EOGT: variants seen among roughly 807,000 people sequenced by gnomAD.
EOGT encodes EGF domain-specific O-linked N-acetylglucosamine transferase.
In EOGT, 55 loss-of-function variants were observed where a neutral mutation model predicts 70.5. That is an observed-to-expected ratio of 0.78 (90% CI 0.63 to 0.98). The LOEUF is 0.98. Among genes scored for constraint, EOGT ranks in the 50% least tolerant of loss-of-function variants. EOGT has a pLI of 0.00. For synonymous variants in EOGT, 246 were observed against 217.1 expected (o/e 1.13, Z -1.17); for missense variants, 703 against 641.9 (o/e 1.10, Z -1.03).
chr3:68,979,810 G>C, intron 15 of EOGT, 23 bp from the exon 16 acceptor site: 1 of 1,609,978 alleles, frequency 6.2e-7, no homozygotes, highest in South Asian at 1.1e-5. Context: ...AGAATAACAT[G>C]AGAGAGATGG....
chr3:69,008,954 C>G (rs1358325930), intron 4 of EOGT, among the ~76,000 whole-genome samples: 1 of 152,240 alleles, frequency 6.6e-6, no homozygotes, highest in Non-Finnish European at 1.5e-5. Context: ...TCAAGATCAG[C>G]AGAGACCCCA....
At position 68,976,641 on chromosome 3, in the gene EOGT, C is replaced by CGTGTGTGTGTGTGTGTGTGTGTGTGT. The variant is rs58263145; in HGVS notation, c.*951_*976dup. The CGTGTGTGTGTGTGTGTGTGTGTGTGT allele has an allele frequency of 4.2e-4, 61 of 144,400 alleles. 4 individuals are homozygous for CGTGTGTGTGTGTGTGTGTGTGTGTGT. The highest frequency in any genetic ancestry group is 3.5e-3 in the Middle Eastern group (1 of 288). 8.9% of individuals were successfully genotyped at this position (144,400 alleles called of 1,614,324 possible). On this transcript the variant is annotated 3_prime_UTR_variant, in exon 18 of 18. Transcript: ENST00000383701. ...CTTGGTACTGAGAATCACAACTCTG[C>CGTGTGTGTGTGTGTGTGTGTGTGTGT]GTGTGTGTGTGTGTGTGTGTGTGTG...
At chr3:69,005,006 G>C (rs576998245) in intron 7 of EOGT, 134 bp downstream of exon 7, 2 of 588,248 alleles carry the variant, frequency 3.4e-6, no homozygotes, top group Admixed American at 6.4e-5. Context: ...CAGCTGCACT[G>C]AGCCATGATT....
At position 68,977,722 on chromosome 3, in the gene EOGT, A is replaced by G. The variant is rs2090511529; in HGVS notation, c.1480T>C (p.Tyr494His). Residue 494 changes from tyrosine (Y) to histidine (H), a missense_variant, in exon 18 of 18, where the codon TAC becomes CAC. Coordinates refer to ENST00000383701, the MANE Select transcript of EOGT (RefSeq NM_001278689.2). The part of the protein sequence containing the change: ...TLGEHPKFTN[Y>H]SFDVEEFMYL... ...ATAAATTCTTCTACATCGAAAGAGT[A>G]GTTGGTGAACTTCGGGTGCTCCCCC... 6.2e-7 allele frequency: 1 copy of G among 1,613,682 alleles called. No homozygotes were observed. The highest frequency in any genetic ancestry group is 1.3e-5 in the African/African-American group (1 of 74,910).
At position 68,998,129 on chromosome 3, in the gene EOGT, T is replaced by C. The variant is rs777630060; in HGVS notation, c.728-15A>G. Reference sequence around the variant, plus strand: ...CATGTTAACACCTAGTGTTGGAAAATGAAACTACATTAATTAACACCAAAG... The same window carrying C: ...CATGTTAACACCTAGTGTTGGAAAACGAAACTACATTAATTAACACCAAAG... On this transcript the variant is annotated splice_polypyrimidine_tract_variant and intron_variant, in intron 9 of 17. Transcript: ENST00000383701. 6 of 1,345,922 alleles carry C rather than the reference T, an allele frequency of 4.5e-6. No individual in the cohort carries two copies. Among genetic ancestry groups the C allele is most frequent in the South Asian group, 2.4e-5 (2 of 81,746 alleles). 83.4% of individuals were successfully genotyped at this position (1,345,922 alleles called of 1,614,324 possible). A position where few individuals can be genotyped will look rare whatever the true frequency, so the allele number is the denominator to read the frequency against.
At position 68,998,101 on chromosome 3, in the gene EOGT, A is replaced by G; in HGVS notation, c.741T>C (p.Tyr247=). ...FMKLDAGVNM[Y]HHFCDFINLY... is the part of the protein sequence containing the mutation. ...GATTGATGAAATCACAGAAGTGGTG[A>G]TACATGTTAACACCTAGTGTTGGAA... Residue 247 remains tyrosine (Y), a synonymous_variant, in exon 10 of 18, where the codon TAT becomes TAC. Coordinates refer to ENST00000383701, the MANE Select transcript of EOGT (RefSeq NM_001278689.2). 1.3e-6 allele frequency: 2 copies of G among 1,571,318 alleles called. No individual in the cohort carries two copies. Among genetic ancestry groups the G allele is most frequent in the Non-Finnish European group, 1.7e-6 (2 of 1,147,492 alleles).
chr3:68,977,270 A>C lies in EOGT; in HGVS notation c.*348T>G. The C allele has an allele frequency of 5.6e-6, 1 of 179,556 alleles. No homozygotes were observed. 11.1% of individuals were successfully genotyped at this position (179,556 alleles called of 1,614,324 possible). ...GAACCTGGGGAGGCAGAAGTTGCAT[A>C]AACTGAGATCATGCCACTGCACTCC... is the stretch of plus-strand genomic sequence containing the variant. On this transcript the variant is annotated 3_prime_UTR_variant, in exon 18 of 18. Coordinates refer to ENST00000383701, the MANE Select transcript of EOGT (RefSeq NM_001278689.2).
rs375844736 is a variant in EOGT, at chr3:68,984,958, C to T, written c.1153-2086G>A. On this transcript the variant is annotated intron_variant, in intron 14 of 17. Coordinates refer to ENST00000383701, the MANE Select transcript of EOGT (RefSeq NM_001278689.2). The stretch of plus-strand genomic sequence containing the variant: ...AGTCCCTGACTACCTTGACTCACGC[C>T]CCCGTTACTCTAATCACCAGCCGGG... Among the ~76,000 whole-genome samples the T allele has an allele frequency of 8.5e-5, 13 of 152,238 alleles. No homozygotes were observed. In the South Asian group the frequency reaches 2.5e-3, roughly 29 times the overall value.
Position 68,995,482 on chromosome 3 carries a change from G to A in EOGT, c.831+2529C>T, listed in dbSNP as rs565644500. The stretch of plus-strand genomic sequence containing the variant: ...CATCCTGCTTAACTGTGCCAGAGCT[G>A]AGGTCAGACTGCCCTCATGTCTCAT... On this transcript the variant is annotated intron_variant, in intron 10 of 17. Coordinates refer to ENST00000383701, the MANE Select transcript of EOGT (RefSeq NM_001278689.2). Among the ~76,000 whole-genome samples, 22 of 152,296 alleles carry A rather than the reference G, an allele frequency of 1.4e-4. No homozygotes were observed. In the South Asian group the frequency reaches 4.6e-3, roughly 32 times the overall value.
intron 3 of EOGT, among the ~76,000 whole-genome samples, chr3:69,010,632 T>G (rs1340026910): frequency 3.9e-5 from 6 of 152,214 alleles, no homozygotes; most frequent in African/African-American, 1.2e-4. Context: ...GGTAAAGTGT[T>G]TCGAAAACTA....
intron 5 of EOGT, 37 bp downstream of exon 5, chr3:69,008,391 G>A (rs758478703): frequency 7.0e-7 from 1 of 1,427,686 alleles, no homozygotes; most frequent in Non-Finnish European, 9.9e-7. Context: ...TATAGAAAGA[G>A]GAAGACTTGA....
At chr3:69,011,382 T>C (rs1478375158) in intron 3 of EOGT, among the ~76,000 whole-genome samples, 1 of 151,470 alleles carries the variant, frequency 6.6e-6, no homozygotes. Context: ...TAGTAGCACT[T>C]TGGGAGGCCA....
chr3:68,977,729 G>A lies in EOGT; in HGVS notation c.1473C>T (p.Phe491=), dbSNP rs1267974915. The A allele has an allele frequency of 6.2e-7, 1 of 1,613,632 alleles. No homozygotes were observed. Among genetic ancestry groups the A allele is most frequent in the Non-Finnish European group, 8.5e-7 (1 of 1,179,836 alleles). Residue 491 remains phenylalanine, a synonymous_variant, in exon 18 of 18, where the codon TTC becomes TTT. Coordinates refer to ENST00000383701, the MANE Select transcript of EOGT (RefSeq NM_001278689.2). ...CTTCTACATCGAAAGAGTAGTTGGT[G>A]AACTTCGGGTGCTCCCCCAGGGTTG... The part of the protein sequence containing the change: ...HHPTLGEHPK[F]TNYSFDVEEF...
At chr3:68,980,989 C>G (rs1245281725) in intron 15 of EOGT, among the ~76,000 whole-genome samples, 1 of 152,160 alleles carries the variant, frequency 6.6e-6, no homozygotes, top group Non-Finnish European at 1.5e-5. Context: ...CATTTCTTCC[C>G]AGCCTCATCT....
intron 10 of EOGT, among the ~76,000 whole-genome samples, chr3:68,997,520 C>G (rs927677397): frequency 6.6e-6 from 1 of 152,066 alleles, no homozygotes; most frequent in Non-Finnish European, 1.5e-5. Context: ...ATGTGTCTGC[C>G]ACCGTATCTG....
At chr3:68,993,304 G>T (rs1167336767) in intron 10 of EOGT, among the ~76,000 whole-genome samples, 1 of 152,090 alleles carries the variant, frequency 6.6e-6, no homozygotes, top group African/African-American at 2.4e-5. Context: ...TTCCTGCTTA[G>T]AAATTTCTTC....
chr3:69,006,061 G>C (rs147538982), intron 6 of EOGT, among the ~76,000 whole-genome samples: 24 of 152,126 alleles, frequency 1.6e-4, no homozygotes, highest in African/African-American at 5.6e-4. Flanking sequence ...CCAGTCTATG[G>C]TATTTTGTTA....
chr3:68,985,662 T>C (rs923400083), intron 14 of EOGT, among the ~76,000 whole-genome samples: 1 of 152,214 alleles, frequency 6.6e-6, no homozygotes, highest in African/African-American at 2.4e-5. Context: ...ATCTCTACTG[T>C]CATCACTTTG....
intron 10 of EOGT, among the ~76,000 whole-genome samples, chr3:68,992,992 G>C (rs912483711): frequency 6.6e-6 from 1 of 152,190 alleles, no homozygotes; most frequent in African/African-American, 2.4e-5. Context: ...ATACAGCATG[G>C]GGACCCTGGG....
Sources: gnomAD v4.1 joint callset for allele counts (sites outside exome capture counted in the v4.1 genomes callset) on GRCh38, gnomAD v4.1.1 for gene constraint, MANE v1.5 for transcripts, NCBI Gene and HGNC (gene_info 2026-07-23, HGNC 2026-07-21) for gene names.